Variants in PCDHA7 observed in about 807,000 individuals in gnomAD.
The protein encoded by PCDHA7 is protocadherin alpha 7, also known as protocadherin alpha-7.
In PCDHA7, 37 loss-of-function variants were observed where a neutral mutation model predicts 57.2. That is an observed-to-expected ratio of 0.65 (90% confidence interval 0.50 to 0.85). The LOEUF (loss-of-function observed/expected upper bound fraction) is 0.85, where lower values mean the gene tolerates loss of function less well. PCDHA7 is among the 40% of genes least tolerant of loss of function. PCDHA7 has a pLI of 0.00. For synonymous variants in PCDHA7, 553 were observed against 558.8 expected, an observed-to-expected ratio of 0.99 and a Z score of 0.15; for missense variants, 1,188 against 1,241.8, an observed-to-expected ratio of 0.96 and a Z score of 0.65.
At chr5:140,853,696 TAACGC>T (rs1477764717) in intron 1 of PCDHA7, 1 of 988,156 alleles carries the variant, frequency 1.0e-6, no homozygotes, top group African/African-American at 1.8e-5. Flanking sequence ...TTAGACCTGC[TAACGC>T]ATTAGCATTA....
chr5:140,877,308 A>C lies in PCDHA7; in HGVS notation c.2355+40570A>C, dbSNP rs2057012120. ...ACGCTTGGCTGTCCTACGAGTTGCAACCGGCGGCGGTCGGCGCGCACATCC... is the reference window on the plus strand; with the variant it reads ...ACGCTTGGCTGTCCTACGAGTTGCACCCGGCGGCGGTCGGCGCGCACATCC... On this transcript the variant is annotated intron_variant, in intron 1 of 3. Coordinates refer to ENST00000525929, the MANE Select transcript of PCDHA7 (RefSeq NM_018910.3). The C allele has an allele frequency of 1.9e-6, 3 of 1,613,898 alleles. No individual in the cohort carries two copies. In the East Asian group the frequency reaches 6.7e-5, roughly 36 times the overall value.
At chr5:141,006,085 C>T (rs1588120524) in intron 3 of PCDHA7, among the ~76,000 whole-genome samples, 1 of 148,094 alleles carries the variant, frequency 6.8e-6, no homozygotes, top group African/African-American at 2.5e-5. Context: ...ATTGAAGGGA[C>T]TTATGTATCA....
intron 1 of PCDHA7, chr5:140,843,910 G>A (rs2150367527): frequency 2.4e-5 from 15 of 636,386 alleles, no homozygotes; most frequent in Non-Finnish European, 3.7e-5. Flanking sequence ...CACAAGTTGG[G>A]TCTATCTTGA....
chr5:140,959,772 C>T (rs1554224331), intron 1 of PCDHA7, among the ~76,000 whole-genome samples: 1 of 152,120 alleles, frequency 6.6e-6, no homozygotes, highest in East Asian at 1.9e-4. Flanking sequence ...TCAGTAAGAA[C>T]AGTGTATATT....
At chr5:140,949,657 T>G (rs908826690) in intron 1 of PCDHA7, among the ~76,000 whole-genome samples, 2 of 151,876 alleles carry the variant, frequency 1.3e-5, no homozygotes, top group Non-Finnish European at 3.0e-5. Flanking sequence ...TTTACTTTTG[T>G]TTCTTTAAAG....
At chr5:140,901,766 A>T (rs2068897184) in intron 1 of PCDHA7, among the ~76,000 whole-genome samples, 1 of 152,188 alleles carries the variant, frequency 6.6e-6, no homozygotes, top group Admixed American at 6.5e-5. Flanking sequence ...CAGGGATTGC[A>T]TTGAATTTGT....
intron 1 of PCDHA7, chr5:140,930,518 T>G (rs782236970): frequency 3.3e-5 from 5 of 152,592 alleles, no homozygotes; most frequent in Non-Finnish European, 5.9e-5. Flanking sequence ...CCACTGCAGC[T>G]GGCCCTCAAA....
intron 1 of PCDHA7, chr5:140,884,397 T>C: frequency 6.2e-7 from 1 of 1,613,992 alleles, no homozygotes; most frequent in South Asian, 1.1e-5. Flanking sequence ...GTGTCCAGCC[T>C]GTTGGTGCTC....
At chr5:140,890,829 T>A (rs1477608523) in intron 1 of PCDHA7, among the ~76,000 whole-genome samples, 1 of 152,226 alleles carries the variant, frequency 6.6e-6, no homozygotes, top group Non-Finnish European at 1.5e-5. Context: ...TGTACTTACA[T>A]ATTTACCAGT....
At chr5:140,851,673 T>C (rs2042127540) in intron 1 of PCDHA7, 1 of 917,738 alleles carries the variant, frequency 1.1e-6, no homozygotes, top group Non-Finnish European at 1.3e-6. Flanking sequence ...TAATTGAAAT[T>C]TTCTCCATTC....
At chr5:140,924,901 A>AAAAAAATAAAT (rs369245222) in intron 1 of PCDHA7, among the ~76,000 whole-genome samples, 34 of 80,504 alleles carry the variant, frequency 4.2e-4, no homozygotes, top group Non-Finnish European at 7.7e-4. Context: ...TCTCAAAAAA[A>AAAAAAATAAAT]AAAATAAAAT....
At position 141,006,497 on chromosome 5, in the gene PCDHA7, G is replaced by C. The variant is rs575942325; in HGVS notation, c.2504-3130G>C. Among the ~76,000 whole-genome samples the C allele has an allele frequency of 2.6e-5, 4 of 152,288 alleles. No homozygotes were observed. In the South Asian group the frequency reaches 8.3e-4, roughly 32 times the overall value. ...CAAAGTGCTGGGATTACATGTGTGA[G>C]CCACCGCGCCTGGCTGTTATACATC... On this transcript the variant is annotated intron_variant, in intron 3 of 3. Transcript: ENST00000525929.
intron 3 of PCDHA7, among the ~76,000 whole-genome samples, chr5:140,995,889 A>G (rs1007675217): frequency 1.3e-5 from 2 of 152,202 alleles, no homozygotes; most frequent in African/African-American, 4.8e-5. Context: ...CTTCAGATTT[A>G]TCAATGTATA....
At chr5:140,956,073 T>C (rs2095254120) in intron 1 of PCDHA7, among the ~76,000 whole-genome samples, 1 of 152,208 alleles carries the variant, frequency 6.6e-6, no homozygotes, top group South Asian at 2.1e-4. Context: ...TTTCCAGATA[T>C]AGGATCATGT....
chr5:140,963,196 G>GA (rs199602110), intron 1 of PCDHA7, among the ~76,000 whole-genome samples: 256 of 147,602 alleles, frequency 1.7e-3, no homozygotes, highest in African/African-American at 4.3e-3. Flanking sequence ...CTGTGAAAAT[G>GA]AAAAAAAAAA....
rs2098421094 is a variant in PCDHA7 at position 141,011,574 on chromosome 5, TAAATC to T, written c.*1640_*1644del. ...GAAAGACACAGTAAAATTTCTTTCT[TAAATC>T]AAGATACTGGTGATTCAAGGAATTT... On this transcript the variant is annotated 3_prime_UTR_variant, in exon 4 of 4. Transcript: ENST00000525929. 1.3e-5 allele frequency: 2 copies of T among 153,802 alleles called. No individual in the cohort carries two copies. 9.5% of individuals were successfully genotyped at this position (153,802 alleles called of 1,614,324 possible).
At chr5:140,968,446 C>T in intron 1 of PCDHA7, 1 of 1,614,046 alleles carries the variant, frequency 6.2e-7, no homozygotes, top group Non-Finnish European at 8.5e-7. Context: ...CACCACTGAG[C>T]AGCACTGTGA....
rs114181547 is a variant in PCDHA7, at chr5:140,916,746, T to C, written c.2356-62203T>C. Among the ~76,000 whole-genome samples, 1,217 of 152,314 alleles carry C rather than the reference T, an allele frequency of 8.0e-3. 6 individuals carry two copies. Among genetic ancestry groups the C allele is most frequent in the African/African-American group, 0.019 (786 of 41,576 alleles). ...TTTTGTTGCTGCAAGCTTCACTGCC[T>C]GGGATTAGGGGAGGGGTGGCACAAG... On this transcript the variant is annotated intron_variant, in intron 1 of 3. Coordinates refer to ENST00000525929, the MANE Select transcript of PCDHA7 (RefSeq NM_018910.3).
At chr5:140,966,736 T>A in intron 1 of PCDHA7, 1 of 1,418,140 alleles carries the variant, frequency 7.1e-7, no homozygotes, top group Non-Finnish European at 9.2e-7. Context: ...CCTCCGGCCC[T>A]GCCCGGCTGC....
Sources: gnomAD v4.1 joint callset for allele counts (sites outside exome capture counted in the v4.1 genomes callset) on GRCh38, gnomAD v4.1.1 for gene constraint, MANE v1.5 for transcripts, NCBI Gene and HGNC (gene_info 2026-07-23, HGNC 2026-07-21) for gene names.